KAZN: variants seen among roughly 807,000 people sequenced by gnomAD.
KAZN encodes kazrin, periplakin interacting protein, also known as kazrin.
KAZN carries 40 observed loss-of-function variants against 87.4 expected under a neutral mutation model. That is an observed-to-expected ratio of 0.46 (90% CI 0.36 to 0.60). KAZN has a LOEUF of 0.60. Among genes scored for constraint, KAZN ranks in the 20% least tolerant of loss-of-function variants. The pLI is 0.00. For missense variants in KAZN, 898 were observed against 1,073.9 expected (o/e 0.84, Z 2.29); for synonymous variants, 466 against 458.3 (o/e 1.02, Z -0.22).
chr1:14,637,153 G>A (rs540159644), intron 1 of KAZN, among the ~76,000 whole-genome samples: 103 of 152,214 alleles, frequency 6.8e-4, no homozygotes, highest in Non-Finnish European at 9.4e-4. Context: ...TGGGAGGTGC[G>A]CAGTGAAAAT....
intron 1 of KAZN, among the ~76,000 whole-genome samples, chr1:13,909,061 G>T (rs1639553439): frequency 6.6e-6 from 1 of 152,200 alleles, no homozygotes; most frequent in South Asian, 2.1e-4. Context: ...GTCGGTAGGT[G>T]CTTTCTTATC....
intron 1 of KAZN, among the ~76,000 whole-genome samples, chr1:14,096,969 C>T (rs2101633771): frequency 6.6e-6 from 1 of 152,348 alleles, no homozygotes; most frequent in African/African-American, 2.4e-5. Context: ...GATTCAGATT[C>T]AGTGGTTAAG....
chr1:14,642,966 A>G (rs1226827913), intron 1 of KAZN, among the ~76,000 whole-genome samples: 1 of 152,234 alleles, frequency 6.6e-6, no homozygotes, highest in South Asian at 2.1e-4. Context: ...GCACTGTCTT[A>G]TAAAGTGAAA....
At chr1:15,048,696 T>G (rs1284281306) in intron 4 of KAZN, among the ~76,000 whole-genome samples, 1 of 140,220 alleles carries the variant, frequency 7.1e-6, no homozygotes, top group Non-Finnish European at 1.5e-5. Context: ...TCCTGGGTCG[T>G]TGATCCTTGG....
chr1:14,943,007 G>GGTGTGTGTGTGTGGT (rs1661282596), intron 1 of KAZN, among the ~76,000 whole-genome samples: 1 of 100,846 alleles, frequency 9.9e-6, no homozygotes, highest in Non-Finnish European at 1.9e-5. Context: ...GTGTGTGTGT[G>GGTGTGTGTGTGTGGT]GTGTGTGTGT....
intron 1 of KAZN, among the ~76,000 whole-genome samples, chr1:14,827,954 C>A (rs929000983): frequency 6.6e-6 from 1 of 152,246 alleles, no homozygotes. Context: ...GTGGCCCTTC[C>A]TGTCATCTTG....
intron 1 of KAZN, among the ~76,000 whole-genome samples, chr1:14,889,156 AC>A (rs1472662369): frequency 2.0e-5 from 3 of 152,218 alleles, no homozygotes. Flanking sequence ...CAAAGGTTAC[AC>A]ACACCAATTC....
chr1:15,036,094 A>G (rs1672231235), intron 3 of KAZN, among the ~76,000 whole-genome samples: 1 of 151,800 alleles, frequency 6.6e-6, no homozygotes, highest in Non-Finnish European at 1.5e-5. Flanking sequence ...CTTCCTTTCT[A>G]TGATGAAAGG....
intron 2 of KAZN, among the ~76,000 whole-genome samples, chr1:14,422,404 G>A (rs529507430): frequency 6.6e-6 from 1 of 152,220 alleles, no homozygotes; most frequent in Non-Finnish European, 1.5e-5. Context: ...CGTAGGTAAA[G>A]TATGAGGCTG....
At chr1:14,002,710 G>T (rs1639853097) in intron 1 of KAZN, among the ~76,000 whole-genome samples, 1 of 152,210 alleles carries the variant, frequency 6.6e-6, no homozygotes, top group African/African-American at 2.4e-5. Flanking sequence ...AATGATAGAT[G>T]CTGGTGAGGC....
At chr1:15,003,800 G>A (rs1302719821) in intron 2 of KAZN, among the ~76,000 whole-genome samples, 2 of 152,098 alleles carry the variant, frequency 1.3e-5, no homozygotes, top group Non-Finnish European at 2.9e-5. Flanking sequence ...TTCCCCAGGT[G>A]TGCCGTAAAA....
In KAZN at chr1:15,094,336, C is replaced by T. The variant is rs557052356; in HGVS notation, c.1379C>T (p.Ala460Val). Reference protein sequence around the residue: ...TVQAWLEVVMAMPMYVKACTE... With the variant: ...TVQAWLEVVMVMPMYVKACTE... ...CAGGCCTGGCTGGAGGTGGTGATGG[C>T]CATGCCTATGTACGTCAAGGCCTGC... Residue 460 changes from alanine (A) to valine (V), a missense_variant, in exon 9 of 15, where the codon GCC becomes GTC. Physicochemically the swap from Ala to Val is moderately conservative, Grantham distance 64. Around this residue, in one of 3 missense-constraint regions of KAZN, gnomAD observed 521 missense variants for 689.4 expected, o/e 0.76. Coordinates refer to ENST00000376030, the MANE Select transcript of KAZN (RefSeq NM_201628.3). The surrounding 1 kb of genome is among the most constrained non-coding windows in gnomAD (Gnocchi z 4.5). The T allele has an allele frequency of 6.2e-6, 10 of 1,613,856 alleles. No individual in the cohort carries two copies. In the East Asian group the frequency reaches 1.6e-4, roughly 25 times the overall value.
chr1:13,958,498 C>T (rs12090249), intron 1 of KAZN, among the ~76,000 whole-genome samples: 9,578 of 149,072 alleles, frequency 0.064, 1,045 homozygotes, highest in African/African-American at 0.22. Context: ...GGCATGAACC[C>T]GGGAGGCAGA....
chr1:14,664,184 G>A (rs1178427439), intron 1 of KAZN, among the ~76,000 whole-genome samples: 1 of 152,220 alleles, frequency 6.6e-6, no homozygotes, highest in Non-Finnish European at 1.5e-5. Context: ...TGTCATCCAA[G>A]CACCTTGGGA....
intron 2 of KAZN, among the ~76,000 whole-genome samples, chr1:14,202,733 C>T (rs1646664769): frequency 6.6e-6 from 1 of 152,084 alleles, no homozygotes; most frequent in African/African-American, 2.4e-5. Flanking sequence ...TCACATTTCC[C>T]CTATTGAAGC....
chr1:14,834,010 T>TACAC (rs1333218635), intron 1 of KAZN, among the ~76,000 whole-genome samples: 1 of 103,692 alleles, frequency 9.6e-6, no homozygotes, highest in African/African-American at 3.4e-5. Context: ...CACACACACA[T>TACAC]ACACACACAT....
At chr1:14,493,225 T>C (rs1669774011) in intron 2 of KAZN, among the ~76,000 whole-genome samples, 1 of 152,142 alleles carries the variant, frequency 6.6e-6, no homozygotes, top group Non-Finnish European at 1.5e-5. Flanking sequence ...CTTTGCCTAT[T>C]GTCTTCTCAA....
chr1:15,060,371 G>C, intron 6 of KAZN, 69 bp downstream of exon 6: 1 of 1,593,292 alleles, frequency 6.3e-7, no homozygotes, highest in Non-Finnish European at 8.6e-7. Context: ...GGGGGTGGCG[G>C]GGTGAAGCCA....
At chr1:14,502,415 CA>C (rs1356424076) in intron 2 of KAZN, among the ~76,000 whole-genome samples, 6 of 152,194 alleles carry the variant, frequency 3.9e-5, no homozygotes, top group African/African-American at 1.4e-4. Flanking sequence ...GACAAGCTTA[CA>C]ATCCAGCATA....
Sources: allele counts gnomAD v4.1 joint callset (sites outside exome capture counted in the v4.1 genomes callset), GRCh38; gene constraint gnomAD v4.1.1; regional missense constraint gnomAD v4.1.1; non-coding constraint Gnocchi (gnomAD v3.1); transcripts MANE v1.5; gene names NCBI Gene and HGNC (gene_info 2026-07-23, HGNC 2026-07-21).